RHBDD1: variants seen among roughly 807,000 people sequenced by gnomAD.
The protein encoded by RHBDD1 is rhomboid domain containing 1.
In RHBDD1, 38 loss-of-function variants were observed where a neutral mutation model predicts 36.3. The ratio of observed to expected loss-of-function variants is 1.05; its 90% CI spans 0.81 to 1.37. The LOEUF is 1.37. RHBDD1 is among the 40% of genes most tolerant of loss of function. RHBDD1 has a pLI of 0.00. For synonymous variants in RHBDD1, 151 were observed against 136.5 expected (o/e 1.11, Z -0.74); for missense variants, 393 against 377.6 (o/e 1.04, Z -0.34).
At chr2:226,841,639 C>T (rs138943139) in intron 3 of RHBDD1, among the ~76,000 whole-genome samples, 4 of 152,292 alleles carry the variant, frequency 2.6e-5, no homozygotes, top group African/African-American at 9.6e-5. Flanking sequence ...TGATTTCATT[C>T]CTTTGTGTGG....
chr2:226,897,308 GTGTCTGTCTGTC>G (rs56199167), intron 5 of RHBDD1, among the ~76,000 whole-genome samples: 55 of 142,034 alleles, frequency 3.9e-4, no homozygotes, highest in Non-Finnish European at 5.6e-4. Context: ...TGAGGTGTGT[GTGTCTGTCTGTC>G]TGTCTGTCTG....
chr2:226,988,277 G>C (rs534346144), intron 8 of RHBDD1: 3 of 1,517,784 alleles, frequency 2.0e-6, no homozygotes, highest in Non-Finnish European at 1.8e-6. Flanking sequence ...GGAGGCCACT[G>C]TAAGTCTCTT....
intron 5 of RHBDD1, among the ~76,000 whole-genome samples, chr2:226,897,780 G>A (rs1947234521): frequency 6.6e-6 from 1 of 152,126 alleles, no homozygotes; most frequent in South Asian, 2.1e-4. Flanking sequence ...AGACCAGCCT[G>A]ACCAACATGG....
intron 4 of RHBDD1, 135 bp downstream of exon 4, chr2:226,865,261 G>A: frequency 2.8e-6 from 2 of 710,090 alleles, no homozygotes; most frequent in South Asian, 3.6e-5. Flanking sequence ...TCTTGAAGAG[G>A]AGGCTGGAGC....
intron 5 of RHBDD1, among the ~76,000 whole-genome samples, chr2:226,874,898 T>A (rs1359543099): frequency 6.6e-6 from 1 of 152,206 alleles, no homozygotes; most frequent in Non-Finnish European, 1.5e-5. Flanking sequence ...CTCTTCCCTC[T>A]CCCTGGCATG....
intron 5 of RHBDD1, among the ~76,000 whole-genome samples, chr2:226,877,813 G>A (rs1452981550): frequency 6.6e-6 from 1 of 152,084 alleles, no homozygotes; most frequent in Non-Finnish European, 1.5e-5. Flanking sequence ...TTACCGCTTT[G>A]TCAAAGATAT....
chr2:226,934,392 C>T (rs921267037), intron 8 of RHBDD1, among the ~76,000 whole-genome samples: 1 of 152,062 alleles, frequency 6.6e-6, no homozygotes, highest in African/African-American at 2.4e-5. Flanking sequence ...TTTTTCAGAA[C>T]ATATCCCTGT....
intron 8 of RHBDD1, among the ~76,000 whole-genome samples, chr2:226,929,677 A>G (rs142463160): frequency 6.6e-6 from 1 of 152,086 alleles, no homozygotes; most frequent in African/African-American, 2.4e-5. Flanking sequence ...AAAAGAAAGG[A>G]CGTTCAAATT....
chr2:226,869,068 C>T (rs1474463020), intron 5 of RHBDD1: 3 of 498,120 alleles, frequency 6.0e-6, no homozygotes, highest in Non-Finnish European at 7.8e-6. Flanking sequence ...TGTGATGAAT[C>T]CATTGAATAA....
chr2:226,903,613 A>G (rs1318811074), intron 5 of RHBDD1, among the ~76,000 whole-genome samples: 5 of 152,194 alleles, frequency 3.3e-5, no homozygotes, highest in Non-Finnish European at 7.3e-5. Flanking sequence ...AAAAATGTTC[A>G]ATCCCATAAT....
the RHBDD1 span, among the ~76,000 whole-genome samples, chr2:226,816,803 G>C: frequency 2.6e-5 from 4 of 152,184 alleles, no homozygotes; most frequent in Non-Finnish European, 4.4e-5. Context: ...GGCTGAGGCA[G>C]GAGAATCATT....
At chr2:226,926,149 G>A (rs775751376) in intron 8 of RHBDD1, among the ~76,000 whole-genome samples, 1 of 151,840 alleles carries the variant, frequency 6.6e-6, no homozygotes, top group Non-Finnish European at 1.5e-5. Context: ...GGAGGCCGAG[G>A]CGGGTGGATC....
intron 8 of RHBDD1, among the ~76,000 whole-genome samples, chr2:226,932,166 T>C (rs1167586240): frequency 6.6e-6 from 1 of 152,180 alleles, no homozygotes; most frequent in Non-Finnish European, 1.5e-5. Flanking sequence ...TAGCATACTA[T>C]ATTACTTTGA....
At chr2:226,889,711 C>T (rs532489572) in intron 5 of RHBDD1, among the ~76,000 whole-genome samples, 1 of 152,244 alleles carries the variant, frequency 6.6e-6, no homozygotes, top group African/African-American at 2.4e-5. Flanking sequence ...GATTATAAAC[C>T]CTAATTATAC....
chr2:226,806,976 G>T, the RHBDD1 span, among the ~76,000 whole-genome samples: 1 of 152,082 alleles, frequency 6.6e-6, no homozygotes. Flanking sequence ...ATTATTTTTG[G>T]TACTAACCAA....
intron 3 of RHBDD1, among the ~76,000 whole-genome samples, chr2:226,845,359 C>T (rs1942106179): frequency 6.6e-6 from 1 of 152,122 alleles, no homozygotes; most frequent in Non-Finnish European, 1.5e-5. Context: ...CCCATTTAAT[C>T]CTTGTGAAAC....
intron 3 of RHBDD1, among the ~76,000 whole-genome samples, chr2:226,853,683 G>A (rs1250034223): frequency 2.6e-5 from 4 of 152,212 alleles, no homozygotes; most frequent in Non-Finnish European, 4.4e-5. Flanking sequence ...ACTAAATTGG[G>A]CACAAGATGT....
intron 8 of RHBDD1, among the ~76,000 whole-genome samples, chr2:226,983,271 C>T (rs1000856062): frequency 6.6e-6 from 1 of 152,010 alleles, no homozygotes; most frequent in East Asian, 1.9e-4. Context: ...AGCTCCCCGA[C>T]GTGGATTTGA....
At chr2:226,812,027 T>C in the RHBDD1 span, among the ~76,000 whole-genome samples, 48,404 of 152,124 alleles carry the variant, frequency 0.32, 11,283 homozygotes, top group African/African-American at 0.67. Context: ...TGTCAACTAC[T>C]CAGGATCCTC....
Sources: allele counts gnomAD v4.1 joint callset (sites outside exome capture counted in the v4.1 genomes callset), GRCh38; gene constraint gnomAD v4.1.1; transcripts MANE v1.5; gene names NCBI Gene and HGNC (gene_info 2026-07-23, HGNC 2026-07-21).